GRM5: variants seen among roughly 807,000 people sequenced by gnomAD.
GRM5 encodes glutamate metabotropic receptor 5, also known as metabotropic glutamate receptor 5.
Under a neutral mutation model 83.1 loss-of-function variants are expected in GRM5, and 19 were observed. The observed-to-expected ratio is 0.23, with a 90% CI of 0.16 to 0.34. GRM5 has a LOEUF of 0.34. GRM5 is among the 10% of genes least tolerant of loss of function. The pLI, the probability that GRM5 is intolerant of heterozygous loss-of-function variation, is 1.00. For synonymous variants in GRM5, 675 were observed against 633.6 expected, an observed-to-expected ratio of 1.07 and a Z score of -0.98; for missense variants, 1,160 against 1,588.3, an observed-to-expected ratio of 0.73 and a Z score of 4.58.
At position 88,927,966 on chromosome 11, in the gene GRM5, C is replaced by T. The variant is rs1413573408; in HGVS notation, c.662-77811G>A. Among the ~76,000 whole-genome samples the T allele has an allele frequency of 3.3e-5, 5 of 152,016 alleles. No individual in the cohort carries two copies. In the East Asian group the frequency reaches 9.7e-4, roughly 29 times the overall value. On this transcript the variant is annotated intron_variant, in intron 2 of 9. Coordinates refer to ENST00000305447, the MANE Select transcript of GRM5 (RefSeq NM_001143831.3). Reference sequence around the variant, plus strand: ...CCCCCCAGTCACTTAACTTCAGAAGCAGGGCCCGGTAGCCCACCCTGTCCT... The same window carrying T: ...CCCCCCAGTCACTTAACTTCAGAAGTAGGGCCCGGTAGCCCACCCTGTCCT...
chr11:88,889,364 ATAG>A (rs1945100961), intron 2 of GRM5, among the ~76,000 whole-genome samples: 1 of 152,196 alleles, frequency 6.6e-6, no homozygotes, highest in Non-Finnish European at 1.5e-5. Context: ...TTGAAAAAAA[ATAG>A]AGTTCTTTGG....
At chr11:88,581,295 A>G (rs77685054) in intron 7 of GRM5, among the ~76,000 whole-genome samples, 2,045 of 152,336 alleles carry the variant, frequency 0.013, 47 homozygotes, top group African/African-American at 0.047. Context: ...AATGCATACG[A>G]AACTTTTTGT....
intron 8 of GRM5, among the ~76,000 whole-genome samples, chr11:88,550,891 TGC>T: frequency 6.6e-6 from 1 of 152,190 alleles, no homozygotes; most frequent in South Asian, 2.1e-4. Context: ...AGAGACAAAC[TGC>T]TTAGATTTGA....
intron 6 of GRM5, among the ~76,000 whole-genome samples, chr11:88,596,414 G>A (rs1366297705): frequency 6.6e-6 from 1 of 152,042 alleles, no homozygotes; most frequent in African/African-American, 2.4e-5. Flanking sequence ...TCTGACTCCA[G>A]TTTAATAAAA....
chr11:88,519,078 CAG>C (rs546128635), intron 9 of GRM5, among the ~76,000 whole-genome samples: 2 of 149,894 alleles, frequency 1.3e-5, no homozygotes, highest in East Asian at 3.9e-4. Context: ...TGAAGTTGGG[CAG>C]AGTTTAGCTA....
intron 2 of GRM5, among the ~76,000 whole-genome samples, chr11:88,947,950 G>A (rs761558337): frequency 6.6e-6 from 1 of 152,174 alleles, no homozygotes; most frequent in Non-Finnish European, 1.5e-5. Flanking sequence ...ATTGGATAGT[G>A]TAGCGGTTGG....
chr11:88,972,173 C>T (rs116414889), intron 2 of GRM5, among the ~76,000 whole-genome samples: 1,641 of 152,190 alleles, frequency 0.011, 25 homozygotes, highest in African/African-American at 0.038. Context: ...ACATTCGAAC[C>T]GTAATATAAA....
intron 2 of GRM5, among the ~76,000 whole-genome samples, chr11:88,960,471 AT>A (rs895360644): frequency 2.0e-5 from 3 of 152,206 alleles, no homozygotes; most frequent in African/African-American, 7.2e-5. Context: ...AAAGACAAAT[AT>A]TTCCTAGGAA....
At chr11:88,712,162 T>C (rs1941296989) in intron 3 of GRM5, among the ~76,000 whole-genome samples, 1 of 152,078 alleles carries the variant, frequency 6.6e-6, no homozygotes, top group Admixed American at 6.6e-5. Flanking sequence ...AATAACAAGA[T>C]ATAACTTGGC....
chr11:88,999,615 T>C (rs993713317), intron 2 of GRM5, among the ~76,000 whole-genome samples: 31 of 151,934 alleles, frequency 2.0e-4, no homozygotes, highest in African/African-American at 7.0e-4. Flanking sequence ...TGTGGAAAAA[T>C]AGGAACACTT....
chr11:88,642,216 A>G (rs1939314320), intron 4 of GRM5, among the ~76,000 whole-genome samples: 1 of 152,138 alleles, frequency 6.6e-6, no homozygotes, highest in South Asian at 2.1e-4. Context: ...TGCAAGATGT[A>G]TGTGTTCTCC....
At chr11:88,864,389 A>T (rs1048841006) in intron 2 of GRM5, among the ~76,000 whole-genome samples, 2 of 151,826 alleles carry the variant, frequency 1.3e-5, no homozygotes, top group African/African-American at 4.8e-5. Flanking sequence ...AGAGTTTAAA[A>T]TGAACAAAGG....
Position 88,559,896 on chromosome 11 carries a change from A to G in GRM5, c.2630+7157T>C, listed in dbSNP as rs577277244. Reference sequence around the variant, plus strand: ...CTCTGTAGTGAGAAGCACATGGCTCATTTGGATCATAAGGAGGGGAACTTA... The same window carrying G: ...CTCTGTAGTGAGAAGCACATGGCTCGTTTGGATCATAAGGAGGGGAACTTA... On this transcript the variant is annotated intron_variant, in intron 8 of 9. Transcript: ENST00000305447. 3.3e-5 allele frequency among the ~76,000 whole-genome samples: 5 copies of G among 152,292 alleles called. No individual in the cohort carries two copies. The East Asian group carries it at 9.7e-4, about 29-fold the overall frequency.
intron 3 of GRM5, among the ~76,000 whole-genome samples, chr11:88,764,054 G>T (rs1055552548): frequency 5.3e-5 from 8 of 151,506 alleles, no homozygotes; most frequent in African/African-American, 1.9e-4. Flanking sequence ...CAAACCAAAA[G>T]ACAGAAAATA....
intron 6 of GRM5, among the ~76,000 whole-genome samples, chr11:88,591,361 A>C (rs1937636524): frequency 6.6e-6 from 1 of 152,184 alleles, no homozygotes; most frequent in African/African-American, 2.4e-5. Context: ...AGATGAGGTC[A>C]CTGAGACTAT....
At chr11:88,690,378 A>C (rs539347647) in intron 3 of GRM5, among the ~76,000 whole-genome samples, 1 of 152,290 alleles carries the variant, frequency 6.6e-6, no homozygotes, top group South Asian at 2.1e-4. Flanking sequence ...GGGAAGGCAT[A>C]TTATAAACCT....
At chr11:88,994,471 A>C (rs1216267635) in intron 2 of GRM5, among the ~76,000 whole-genome samples, 1 of 112,914 alleles carries the variant, frequency 8.9e-6, no homozygotes, top group Non-Finnish European at 1.8e-5. Context: ...ATATATATAT[A>C]TATATATATA....
intron 4 of GRM5, among the ~76,000 whole-genome samples, chr11:88,638,057 A>G (rs567458249): frequency 1.3e-5 from 2 of 151,398 alleles, no homozygotes; most frequent in East Asian, 3.9e-4. Context: ...TCGCAAGAAC[A>G]AAAAACCAAA....
At chr11:89,054,067 C>A (rs1941820373) in intron 1 of GRM5, among the ~76,000 whole-genome samples, 1 of 152,160 alleles carries the variant, frequency 6.6e-6, no homozygotes, top group Non-Finnish European at 1.5e-5. Context: ...AGGATTCCAA[C>A]AGCGGAGGAA....
Sources: gnomAD v4.1 joint callset for allele counts (sites outside exome capture counted in the v4.1 genomes callset) on GRCh38, gnomAD v4.1.1 for gene constraint, MANE v1.5 for transcripts, NCBI Gene and HGNC (gene_info 2026-07-23, HGNC 2026-07-21) for gene names.